Variants in OGG1 observed in about 807,000 individuals in gnomAD.
OGG1 encodes the protein 8-oxoguanine DNA glycosylase, also known as N-glycosylase/DNA lyase.
In OGG1, 35 loss-of-function variants were observed where a neutral mutation model predicts 42.3. The observed-to-expected ratio is 0.83, with a 90% CI of 0.63 to 1.10. The LOEUF (loss-of-function observed/expected upper bound fraction) is 1.10. OGG1 is among the 50% of genes least tolerant of loss of function. OGG1 has a pLI of 0.00. For missense variants in OGG1, 484 were observed against 446.7 expected (o/e 1.08, Z -0.75); for synonymous variants, 189 against 179.0 (o/e 1.06, Z -0.44).
In OGG1 at chr3:9,749,999, G is replaced by T. The variant is rs2077219717; in HGVS notation, c.-288G>T. 2 of 488,998 alleles carry T rather than the reference G, an allele frequency of 4.1e-6. No homozygotes were observed. The highest frequency in any genetic ancestry group is 3.7e-6 in the Non-Finnish European group (1 of 270,876). 30.3% of individuals were successfully genotyped at this position (488,998 alleles called of 1,614,324 possible). ...GGAGAACCCAGAAGAACACAGCTGT[G>T]CGCGCCCACAGGCTCTGGGGGCGGG... On this transcript the variant is annotated 5_prime_UTR_variant, in exon 1 of 7. Coordinates refer to ENST00000344629, the MANE Select transcript of OGG1 (RefSeq NM_002542.6).
intron 3 of OGG1, 43 bp from the exon 4 acceptor site, chr3:9,754,661 C>T (rs942948777): frequency 1.2e-5 from 20 of 1,605,826 alleles, no homozygotes; most frequent in Non-Finnish European, 1.7e-5. Flanking sequence ...ACAGGAAGAA[C>T]TTGAAGATGC....
At chr3:9,778,098 AT>A (rs1559713023) in intron 2 of OGG1, among the ~76,000 whole-genome samples, 2 of 152,228 alleles carry the variant, frequency 1.3e-5, no homozygotes, top group African/African-American at 4.8e-5. Flanking sequence ...TGTAAATGGG[AT>A]GTTATTATGG....
intron 3 of OGG1, among the ~76,000 whole-genome samples, chr3:9,753,142 G>A (rs56025901): frequency 0.037 from 5,660 of 151,538 alleles, 136 homozygotes; most frequent in South Asian, 0.075. Flanking sequence ...ACCTGAGGTC[G>A]GGAGTTTGAG....
At chr3:9,777,130 C>T (rs293781) in intron 2 of OGG1, among the ~76,000 whole-genome samples, 16,323 of 152,206 alleles carry the variant, frequency 0.11, 1,304 homozygotes, top group Non-Finnish European at 0.16. Flanking sequence ...TCACCCTCCC[C>T]GTTCTCACTC....
At chr3:9,780,081 T>G (rs1044085945) in intron 2 of OGG1, 15 of 352,884 alleles carry the variant, frequency 4.3e-5, no homozygotes, top group African/African-American at 3.1e-4. Context: ...TGGGGGATGG[T>G]AAAGAGGGGA....
At chr3:9,770,037 G>A (rs2078269027), downstream of OGG1, 1 of 152,406 alleles carries the variant, frequency 6.6e-6, no homozygotes, top group African/African-American at 2.4e-5. Flanking sequence ...ACCCGGGATT[G>A]GGAGGCGAGG....
rs979076334 is a variant in OGG1 at position 9,780,698 on chromosome 3, A to G, written c.295-815A>G. The G allele has an allele frequency of 7.1e-6, 5 of 699,586 alleles. No individual in the cohort carries two copies. In the African/African-American group the frequency reaches 9.0e-5, roughly 13 times the overall value. The allele number at this position is 699,586 out of a possible 1,614,324, so 43.3% of individuals were successfully genotyped here. A position where few individuals can be genotyped will look rare whatever the true frequency, so the allele number is the denominator to read the frequency against. ...GTGACCAAAAAGCAGTTACTGACCTACACTTACATGGCACTATCTTAAGCT... is the reference window on the plus strand; with the variant it reads ...GTGACCAAAAAGCAGTTACTGACCTGCACTTACATGGCACTATCTTAAGCT... On this transcript the variant is annotated intron_variant, in intron 2 of 3. Transcript: ENST00000426518.
At chr3:9,754,932 G>C in intron 4 of OGG1, 47 bp downstream of exon 4, 1 of 1,505,980 alleles carries the variant, frequency 6.6e-7, no homozygotes, top group South Asian at 1.2e-5. Flanking sequence ...GACACTAAGA[G>C]GAGAGCAGGA....
chr3:9,759,234 G>A (rs200671787), downstream of OGG1: 5 of 1,614,072 alleles, frequency 3.1e-6, no homozygotes, highest in Admixed American at 1.7e-5. Context: ...GACCCCATAG[G>A]CTGGATCAGA....
At chr3:9,789,571 C>T (rs1330111199), downstream of OGG1, 15 of 1,614,048 alleles carry the variant, frequency 9.3e-6, no homozygotes, top group Non-Finnish European at 1.3e-5. Flanking sequence ...CGGACCTCCT[C>T]GCTGGTGATG....
At position 9,754,799 on chromosome 3, in the gene OGG1, G is replaced by A. The variant is rs373826669; in HGVS notation, c.661G>A (p.Gly221Arg). The change falls in exon 4 of 7, where the codon GGG becomes AGG. Residue 221 changes from glycine (G) to arginine (R), a missense_variant. Transcript: ENST00000344629. ...CCGAGCCATCCTGGAAGAACAGGGC[G>A]GGCTAGCCTGGCTGCAGCAGCTACG... ...SARAILEEQG[G>R]LAWLQQLRES... 3.3e-5 allele frequency: 53 copies of A among 1,613,432 alleles called. No individual in the cohort carries two copies. The Admixed American group carries it at 4.0e-4, about 12-fold the overall frequency.
chr3:9,756,620 G>T lies in OGG1; in HGVS notation c.897G>T (p.Leu299=). 6.2e-7 allele frequency: 1 copy of T among 1,613,084 alleles called. No individual in the cohort carries two copies. Among genetic ancestry groups the T allele is most frequent in the Non-Finnish European group, 8.5e-7 (1 of 1,179,052 alleles). ...CGAGCCCCCAGACCAACAAGGAACT[G>T]GGTGAGGAAAGTGGGCTGCAGGGGC... is the stretch of plus-strand genomic sequence containing the variant. ...KGPSPQTNKE[L]GNFFRSLWGP... The change falls in exon 5 of 7, where the codon CTG becomes CTT. Residue 299 remains leucine (L), a splice_region_variant and synonymous_variant. Transcript: ENST00000344629.
At chr3:9,772,182 C>T (rs1036900602) in intron 2 of OGG1, among the ~76,000 whole-genome samples, 2 of 152,140 alleles carry the variant, frequency 1.3e-5, no homozygotes, top group African/African-American at 2.4e-5. Flanking sequence ...TGAGAGGCCT[C>T]GTGTTTTCTT....
rs776192119 is a variant in OGG1, at chr3:9,757,375, G to A, written c.*225G>A. 1.9e-6 allele frequency: 3 copies of A among 1,613,472 alleles called. No individual in the cohort carries two copies. Among genetic ancestry groups the A allele is most frequent in the Non-Finnish European group, 2.5e-6 (3 of 1,179,678 alleles). On this transcript the variant is annotated 3_prime_UTR_variant, in exon 7 of 7. Coordinates refer to ENST00000344629, the MANE Select transcript of OGG1 (RefSeq NM_002542.6). This position sits in a 1 kb window ranked among gnomAD's most constrained non-coding sequence, Gnocchi z 4.5. Reference sequence around the variant, plus strand: ...TTTTATCTTCCCTTTATTACAAGAAGGAACAATAAAATAGAAACATTTGTA... The same window carrying A: ...TTTTATCTTCCCTTTATTACAAGAAAGAACAATAAAATAGAAACATTTGTA...
rs58316186 is a variant in OGG1 at position 9,764,857 on chromosome 3, T to C, written c.1049-952T>C. On this transcript the variant is annotated intron_variant, in intron 7 of 7. Coordinates refer to the OGG1 transcript ENST00000302008. ...GTGTTGGTCAGGCGATAATTGATCT[T>C]GATGATGAGGAAGGCTCAGCTCTGC... Among the ~76,000 whole-genome samples, 649 of 152,090 alleles carry C rather than the reference T, an allele frequency of 4.3e-3. 4 individuals carry two copies. Among genetic ancestry groups the C allele is most frequent in the African/African-American group, 0.015 (624 of 41,510 alleles).
At chr3:9,752,092 C>T in intron 3 of OGG1, 143 bp downstream of exon 3, 1 of 732,160 alleles carries the variant, frequency 1.4e-6, no homozygotes. Flanking sequence ...TGATCAACTC[C>T]AGTTACTCAT....
At chr3:9,765,649 C>A (rs536425725) in intron 7 of OGG1, 102 of 1,263,222 alleles carry the variant, frequency 8.1e-5, no homozygotes, top group South Asian at 5.5e-4. Context: ...TATAAAGGGG[C>A]AATTTAAGGC....
At chr3:9,763,342 A>T in intron 7 of OGG1, 1 of 1,009,256 alleles carries the variant, frequency 9.9e-7, no homozygotes, top group Non-Finnish European at 1.4e-6. Context: ...GCAGTCTGTT[A>T]TGATTGCACC....
At chr3:9,779,506 G>A (rs1449168876) in intron 2 of OGG1, among the ~76,000 whole-genome samples, 2 of 151,700 alleles carry the variant, frequency 1.3e-5, no homozygotes, top group Non-Finnish European at 1.5e-5. Context: ...AAGAAACCTG[G>A]ACCCTTGGGG....
Sources: allele counts gnomAD v4.1 joint callset (sites outside exome capture counted in the v4.1 genomes callset), GRCh38; gene constraint gnomAD v4.1.1; non-coding constraint Gnocchi (gnomAD v3.1); transcripts MANE v1.5; gene names NCBI Gene and HGNC (gene_info 2026-07-23, HGNC 2026-07-21).